RASGRP3: variants seen among roughly 807,000 people sequenced by gnomAD.
RASGRP3 encodes the protein RAS guanyl releasing protein 3.
In RASGRP3, 54 loss-of-function variants were observed where a neutral mutation model predicts 82.7. The ratio of observed to expected loss-of-function variants is 0.65; its 90% CI spans 0.52 to 0.82. The LOEUF is 0.82. Ranked by LOEUF, RASGRP3 falls within the 40% of genes least tolerant of loss-of-function variation. The pLI is 0.00. For synonymous variants in RASGRP3, 309 were observed against 300.5 expected (o/e 1.03, Z -0.29); for missense variants, 861 against 828.9 (o/e 1.04, Z -0.48).
chr2:33,497,843 AATACAGAGTAAGAAG>A (rs1174981013), intron 1 of RASGRP3, among the ~76,000 whole-genome samples: 3 of 152,224 alleles, frequency 2.0e-5, no homozygotes, highest in African/African-American at 7.2e-5. Flanking sequence ...AATAATGAAT[AATACAGAGTAAGAAG>A]CATATTATAG....
In RASGRP3 at chr2:33,549,641, T is replaced by C. The variant is rs768115065; in HGVS notation, c.1432T>C (p.Phe478Leu). 1.9e-6 allele frequency: 3 copies of C among 1,613,602 alleles called. No individual in the cohort carries two copies. The highest frequency in any genetic ancestry group is 2.5e-6 in the Non-Finnish European group (3 of 1,179,604). ...TAGTAAAGATGAAATGATGGCTTAC[T>C]TCCTGAGAGCTAAATCCCAACTACA... ...LISKDEMMAYFLRAKSQLHCK... is the reference protein window; with the variant it reads ...LISKDEMMAYLLRAKSQLHCK... The change falls in exon 14 of 18, where the codon TTC becomes CTC. Residue 478 changes from phenylalanine (F) to leucine (L), a missense_variant. Coordinates refer to ENST00000403687, the MANE Select transcript of RASGRP3 (RefSeq NM_001139488.2).
At chr2:33,543,215 A>G (rs1574469339) in intron 12 of RASGRP3, among the ~76,000 whole-genome samples, 2 of 152,176 alleles carry the variant, frequency 1.3e-5, no homozygotes, top group South Asian at 2.1e-4. Flanking sequence ...AGGTCTCTCT[A>G]TATTGCTCAG....
At chr2:33,443,751 C>T (rs1307174529) in intron 1 of RASGRP3, among the ~76,000 whole-genome samples, 2 of 145,756 alleles carry the variant, frequency 1.4e-5, no homozygotes, top group Admixed American at 7.0e-5. Flanking sequence ...CATGGTGGTA[C>T]GTGCTTATAG....
At position 33,543,499 on chromosome 2, in the gene RASGRP3, C is replaced by T. The variant is rs780587525; in HGVS notation, c.1279-13C>T. ...TTATAGTCATTCAATAAATACTTAT[C>T]TTTCCTTTGCAGTCTGTATTTAGAA... On this transcript the variant is annotated splice_polypyrimidine_tract_variant and intron_variant, in intron 12 of 17. Transcript: ENST00000403687. 1.9e-5 allele frequency: 28 copies of T among 1,511,542 alleles called. No individual in the cohort carries two copies. The highest frequency in any genetic ancestry group is 3.4e-4 in the Middle Eastern group (2 of 5,872). 93.6% of individuals were successfully genotyped at this position (1,511,542 alleles called of 1,614,324 possible).
chr2:33,510,430 T>C (rs1470870621), intron 1 of RASGRP3, among the ~76,000 whole-genome samples: 1 of 152,234 alleles, frequency 6.6e-6, no homozygotes, highest in African/African-American at 2.4e-5. Context: ...CTGACAGTCA[T>C]GACCTAACTT....
intron 2 of RASGRP3, among the ~76,000 whole-genome samples, chr2:33,455,754 A>G (rs1426566959): frequency 3.9e-5 from 6 of 152,218 alleles, no homozygotes; most frequent in Non-Finnish European, 8.8e-5. Context: ...GAACGAATGA[A>G]TTGTATCGTC....
At chr2:33,469,759 G>C (rs949486616) in intron 2 of RASGRP3, among the ~76,000 whole-genome samples, 1 of 152,104 alleles carries the variant, frequency 6.6e-6, no homozygotes, top group Non-Finnish European at 1.5e-5. Flanking sequence ...CCGTGCTGCT[G>C]TACAGCGTTT....
intron 1 of RASGRP3, among the ~76,000 whole-genome samples, chr2:33,494,564 C>T (rs1030939891): frequency 2.0e-5 from 3 of 152,166 alleles, no homozygotes; most frequent in Non-Finnish European, 4.4e-5. Context: ...GTCAACAAAT[C>T]CAAACCAACC....
At chr2:33,522,602 C>A (rs1672143316) in intron 7 of RASGRP3, among the ~76,000 whole-genome samples, 1 of 152,170 alleles carries the variant, frequency 6.6e-6, no homozygotes, top group South Asian at 2.1e-4. Context: ...TCCTACTCAT[C>A]TTGATGGAGC....
intron 9 of RASGRP3, among the ~76,000 whole-genome samples, chr2:33,525,030 G>A (rs891969350): frequency 4.2e-5 from 6 of 143,040 alleles, no homozygotes; most frequent in Admixed American, 1.5e-4. Flanking sequence ...GCAGTGAGCC[G>A]AGATCACCCC....
chr2:33,524,923 CA>C (rs930686692), intron 9 of RASGRP3, among the ~76,000 whole-genome samples: 3 of 150,844 alleles, frequency 2.0e-5, no homozygotes, highest in Non-Finnish European at 4.4e-5. Flanking sequence ...ACTAAAAATA[CA>C]AAAAAAATTA....
chr2:33,506,409 A>G (rs1670384600), intron 1 of RASGRP3, among the ~76,000 whole-genome samples: 2 of 152,208 alleles, frequency 1.3e-5, no homozygotes, highest in African/African-American at 4.8e-5. Flanking sequence ...TTAGGCCTCA[A>G]TTTCCTTATC....
chr2:33,562,609 T>G (rs996646677), intron 17 of RASGRP3, 120 bp from the exon 18 acceptor site: 22 of 1,117,668 alleles, frequency 2.0e-5, no homozygotes, highest in Non-Finnish European at 2.9e-5. Context: ...ATCCTGAGAC[T>G]ACAAGGTACT....
chr2:33,465,450 G>C (rs762007322), intron 2 of RASGRP3, among the ~76,000 whole-genome samples: 1 of 152,214 alleles, frequency 6.6e-6, no homozygotes, highest in Non-Finnish European at 1.5e-5. Context: ...TTGAACCCAA[G>C]AGTTTGAGGC....
chr2:33,548,698 A>AATTATTATTATT (rs374165976), intron 13 of RASGRP3, among the ~76,000 whole-genome samples: 105 of 151,586 alleles, frequency 6.9e-4, no homozygotes, highest in African/African-American at 2.3e-3. Flanking sequence ...AAGTGGATCC[A>AATTATTATTATT]ATTATTATTA....
At chr2:33,469,280 G>T (rs182429786) in intron 2 of RASGRP3, among the ~76,000 whole-genome samples, 1 of 151,920 alleles carries the variant, frequency 6.6e-6, no homozygotes, top group African/African-American at 2.4e-5. Context: ...TTTGATTACC[G>T]TTGGATTATA....
chr2:33,466,844 T>G (rs2150907996), intron 2 of RASGRP3, among the ~76,000 whole-genome samples: 1 of 152,280 alleles, frequency 6.6e-6, no homozygotes, highest in Non-Finnish European at 1.5e-5. Flanking sequence ...CTAGGAAAAC[T>G]TCTATGGCTG....
At chr2:33,455,680 T>G (rs1221132746) in intron 2 of RASGRP3, among the ~76,000 whole-genome samples, 1 of 152,264 alleles carries the variant, frequency 6.6e-6, no homozygotes. Flanking sequence ...GGAAGGACTT[T>G]CCATCTGTTT....
upstream of RASGRP3, among the ~76,000 whole-genome samples, chr2:33,475,006 C>T (rs1667273917): frequency 6.6e-6 from 1 of 152,062 alleles, no homozygotes; most frequent in African/African-American, 2.4e-5. Flanking sequence ...CATCAGATCA[C>T]AAAAGTTTCT....
Sources: gnomAD v4.1 joint callset for allele counts (sites outside exome capture counted in the v4.1 genomes callset) on GRCh38, gnomAD v4.1.1 for gene constraint, MANE v1.5 for transcripts, NCBI Gene and HGNC (gene_info 2026-07-23, HGNC 2026-07-21) for gene names.